CTNNA3: variants seen among roughly 807,000 people sequenced by gnomAD.
CTNNA3 encodes catenin alpha 3, also known as catenin alpha-3.
CTNNA3 carries 76 observed loss-of-function variants against 95.7 expected under a neutral mutation model. The ratio of observed to expected loss-of-function variants is 0.79; its 90% CI spans 0.66 to 0.96. The LOEUF is 0.96. Among genes scored for constraint, CTNNA3 ranks in the 40% least tolerant of loss-of-function variants. CTNNA3 has a pLI of 0.00. For synonymous variants in CTNNA3, 431 were observed against 374.4 expected, an observed-to-expected ratio of 1.15 and a Z score of -1.74; for missense variants, 1,191 against 1,089.8, an observed-to-expected ratio of 1.09 and a Z score of -1.31.
At chr10:66,832,780 T>C (rs575067904) in intron 7 of CTNNA3, among the ~76,000 whole-genome samples, 60 of 152,244 alleles carry the variant, frequency 3.9e-4, no homozygotes, top group Middle Eastern at 3.4e-3. Flanking sequence ...TAAATGACCC[T>C]AGCAAGGTGA....
At chr10:67,616,952 C>T (rs1161685787) in intron 2 of CTNNA3, among the ~76,000 whole-genome samples, 1 of 152,082 alleles carries the variant, frequency 6.6e-6, no homozygotes, top group African/African-American at 2.4e-5. Flanking sequence ...GAAGAAGTCA[C>T]AGGACTGAGC....
At chr10:65,953,792 A>G (rs2133216232) in intron 17 of CTNNA3, among the ~76,000 whole-genome samples, 1 of 152,282 alleles carries the variant, frequency 6.6e-6, no homozygotes, top group South Asian at 2.1e-4. Context: ...TCATTGATGG[A>G]CATTTGGGTT....
chr10:67,532,961 C>G (rs774346744), intron 4 of CTNNA3, among the ~76,000 whole-genome samples: 1 of 152,136 alleles, frequency 6.6e-6, no homozygotes, highest in Non-Finnish European at 1.5e-5. Flanking sequence ...TTTCTTCCCA[C>G]GATGTCCTGA....
chr10:67,251,275 G>T (rs1866099476), intron 5 of CTNNA3, among the ~76,000 whole-genome samples: 1 of 152,288 alleles, frequency 6.6e-6, no homozygotes, highest in Non-Finnish European at 1.5e-5. Flanking sequence ...AATGTCTCTA[G>T]AATAGGCAAA....
At chr10:67,663,297 T>C (rs938366093) in intron 1 of CTNNA3, among the ~76,000 whole-genome samples, 1 of 152,138 alleles carries the variant, frequency 6.6e-6, no homozygotes, top group Admixed American at 6.5e-5. Context: ...TATTTGTTTT[T>C]GTACTGCTTT....
intron 5 of CTNNA3, among the ~76,000 whole-genome samples, chr10:67,488,911 T>C (rs957981045): frequency 1.3e-5 from 2 of 152,064 alleles, no homozygotes; most frequent in African/African-American, 4.8e-5. Context: ...AATTCTTGTA[T>C]TTTTAGTAGA....
At chr10:67,169,212 C>T (rs1206404167) in intron 7 of CTNNA3, among the ~76,000 whole-genome samples, 1 of 152,100 alleles carries the variant, frequency 6.6e-6, no homozygotes, top group Non-Finnish European at 1.5e-5. Flanking sequence ...GCCATACTGC[C>T]CAAAGCAATT....
chr10:66,608,332 T>A (rs1054390330), intron 10 of CTNNA3, among the ~76,000 whole-genome samples: 1 of 152,152 alleles, frequency 6.6e-6, no homozygotes, highest in African/African-American at 2.4e-5. Flanking sequence ...CCCATGCTCA[T>A]GAATAGGAAG....
At position 67,359,712 on chromosome 10, in the gene CTNNA3, T is replaced by C. The variant is rs548454883; in HGVS notation, c.580-139842A>G. ...AGCCTCAAAGAAATATGGGATTATGTAGAGACCAAATCTATGACTCATTGG... is the reference window on the plus strand; with the variant it reads ...AGCCTCAAAGAAATATGGGATTATGCAGAGACCAAATCTATGACTCATTGG... On this transcript the variant is annotated intron_variant, in intron 5 of 17. Coordinates refer to ENST00000433211, the MANE Select transcript of CTNNA3 (RefSeq NM_013266.4). Among the ~76,000 whole-genome samples, 23 of 152,262 alleles carry C rather than the reference T, an allele frequency of 1.5e-4. No individual in the cohort carries two copies. In the South Asian group the frequency reaches 4.6e-3, roughly 30 times the overall value.
chr10:66,828,597 T>C lies in CTNNA3; in HGVS notation c.1048-53073A>G, dbSNP rs192395668. 2.4e-3 allele frequency among the ~76,000 whole-genome samples: 360 copies of C among 152,300 alleles called. 1 individual carries two copies. Among genetic ancestry groups the C allele is most frequent in the African/African-American group, 8.2e-3 (342 of 41,566 alleles). On this transcript the variant is annotated intron_variant, in intron 7 of 17. Transcript: ENST00000433211. ...GATGAAGGAACCACATTTTGGCCAA[T>C]GGTATATCTAATGATGAATATCAGC...
intron 1 of CTNNA3, among the ~76,000 whole-genome samples, chr10:67,723,915 G>C (rs1318762502): frequency 3.3e-5 from 5 of 152,132 alleles, no homozygotes. Context: ...TCGAAGTTCA[G>C]AGGAGTTAGT....
chr10:67,492,116 G>C (rs931032920), intron 5 of CTNNA3, among the ~76,000 whole-genome samples: 1 of 152,000 alleles, frequency 6.6e-6, no homozygotes, highest in East Asian at 1.9e-4. Context: ...AGAGTATACA[G>C]AGGGTGTAGG....
chr10:66,199,766 T>C (rs1316243443), intron 13 of CTNNA3, among the ~76,000 whole-genome samples: 12 of 6,760 alleles, frequency 1.8e-3, no homozygotes, highest in South Asian at 8.6e-3. Context: ...CACGCCTGGC[T>C]ATATATATAT....
At chr10:66,672,122 A>G (rs572819443) in intron 9 of CTNNA3, among the ~76,000 whole-genome samples, 4 of 151,978 alleles carry the variant, frequency 2.6e-5, no homozygotes, top group Non-Finnish European at 4.4e-5. Flanking sequence ...GGGGCTGAAG[A>G]GTCCCTACAG....
At chr10:67,263,259 G>A (rs925315633) in intron 5 of CTNNA3, among the ~76,000 whole-genome samples, 1 of 152,146 alleles carries the variant, frequency 6.6e-6, no homozygotes, top group Non-Finnish European at 1.5e-5. Flanking sequence ...TTTATAACCT[G>A]ATTGAATTGC....
At chr10:66,081,574 C>T (rs2080764029) in intron 14 of CTNNA3, among the ~76,000 whole-genome samples, 1 of 152,044 alleles carries the variant, frequency 6.6e-6, no homozygotes, top group African/African-American at 2.4e-5. Context: ...TAAGGTTAAA[C>T]TCCATAGACT....
chr10:66,699,877 G>A (rs559337570), intron 9 of CTNNA3, among the ~76,000 whole-genome samples: 4 of 151,856 alleles, frequency 2.6e-5, no homozygotes, highest in Non-Finnish European at 2.9e-5. Context: ...GGCTGGTCTC[G>A]AACTCCCGAC....
chr10:66,188,252 C>T (rs2086441830), intron 13 of CTNNA3, among the ~76,000 whole-genome samples: 1 of 152,082 alleles, frequency 6.6e-6, no homozygotes, highest in Non-Finnish European at 1.5e-5. Flanking sequence ...AAGATACCAT[C>T]AAGTGTACTA....
At chr10:66,908,452 G>A (rs892833053) in intron 7 of CTNNA3, among the ~76,000 whole-genome samples, 1 of 152,260 alleles carries the variant, frequency 6.6e-6, no homozygotes, top group East Asian at 1.9e-4. Flanking sequence ...CTGCTTTACC[G>A]AATGTTTAGA....
Sources: gnomAD v4.1 joint callset for allele counts (sites outside exome capture counted in the v4.1 genomes callset) on GRCh38, gnomAD v4.1.1 for gene constraint, MANE v1.5 for transcripts, NCBI Gene and HGNC (gene_info 2026-07-23, HGNC 2026-07-21) for gene names.